Variants in PSTPIP1 observed in about 807,000 individuals in gnomAD.
The protein encoded by PSTPIP1 is proline-serine-threonine phosphatase-interacting protein 1.
In PSTPIP1, 66 loss-of-function variants were observed where a neutral mutation model predicts 69.6. That is an observed-to-expected ratio of 0.95 (90% CI 0.78 to 1.16). The LOEUF is 1.16. Among genes scored for constraint, PSTPIP1 ranks in the 50% most tolerant of loss-of-function variants. The pLI is 0.00. For synonymous variants in PSTPIP1, 266 were observed against 222.7 expected, an observed-to-expected ratio of 1.19 and a Z score of -1.73; for missense variants, 603 against 557.4, an observed-to-expected ratio of 1.08 and a Z score of -0.82.
chr15:77,000,460 G>GATAGATATATATATAT (rs2075678398), intron 1 of PSTPIP1, among the ~76,000 whole-genome samples: 2 of 141,694 alleles, frequency 1.4e-5, no homozygotes, highest in African/African-American at 5.3e-5. Context: ...TTTAAAGAGA[G>GATAGATATATATATAT]ATATATATAT....
In PSTPIP1 at chr15:77,018,378, T is replaced by C; in HGVS notation, c.138-79T>C. The C allele has an allele frequency of 1.9e-6, 3 of 1,541,738 alleles. No homozygotes were observed. The South Asian group carries it at 3.6e-5, about 18-fold the overall frequency. On this transcript the variant is annotated intron_variant, in intron 2 of 14. Transcript: ENST00000558012. ...GAACACGCCCTGCTTTAAAAAACTC[T>C]TCTGTGTTCCCTCAAACCTGGGCCT...
intron 1 of PSTPIP1, 100 bp from the exon 2 acceptor site, chr15:77,018,048 G>A: frequency 3.3e-6 from 4 of 1,216,388 alleles, no homozygotes; most frequent in Non-Finnish European, 4.7e-6. Flanking sequence ...ATGGAGGCAG[G>A]AGGGAGGCTG....
At chr15:77,009,779 C>T (rs1013325352) in intron 1 of PSTPIP1, among the ~76,000 whole-genome samples, 1 of 152,218 alleles carries the variant, frequency 6.6e-6, no homozygotes, top group Non-Finnish European at 1.5e-5. Flanking sequence ...CTGTGTGGAA[C>T]TGGCCAGAAC....
intron 3 of PSTPIP1, among the ~76,000 whole-genome samples, chr15:77,020,244 C>T (rs1198993627): frequency 1.3e-5 from 2 of 152,154 alleles, no homozygotes; most frequent in Non-Finnish European, 2.9e-5. Flanking sequence ...GCCCTGATTG[C>T]GCCATGGTTA....
chr15:77,026,742 C>G (rs1303347278), intron 5 of PSTPIP1, among the ~76,000 whole-genome samples: 3 of 152,230 alleles, frequency 2.0e-5, no homozygotes, highest in Non-Finnish European at 2.9e-5. Context: ...CAGGGGGTCC[C>G]CAGAAGCCAG....
intron 3 of PSTPIP1, among the ~76,000 whole-genome samples, chr15:77,023,272 C>T (rs1260828072): frequency 6.6e-6 from 1 of 152,248 alleles, no homozygotes; most frequent in Non-Finnish European, 1.5e-5. Flanking sequence ...CTGGGCCAGC[C>T]CAAAGTGACA....
intron 1 of PSTPIP1, among the ~76,000 whole-genome samples, chr15:77,013,281 A>T (rs1473738586): frequency 6.6e-6 from 1 of 152,104 alleles, no homozygotes; most frequent in African/African-American, 2.4e-5. Flanking sequence ...CTCTCATTCA[A>T]TTTAAAGCTC....
chr15:77,004,130 G>A (rs2075769084), intron 1 of PSTPIP1, among the ~76,000 whole-genome samples: 1 of 152,252 alleles, frequency 6.6e-6, no homozygotes, highest in Non-Finnish European at 1.5e-5. Context: ...AGGAAACTGA[G>A]CCTCTTGGAA....
chr15:77,031,526 T>A (rs1055822118), intron 10 of PSTPIP1: 1 of 394,444 alleles, frequency 2.5e-6, no homozygotes, highest in Non-Finnish European at 4.8e-6. Context: ...TTCCTCCTTA[T>A]GCCTCAGAGC....
Position 77,035,900 on chromosome 15 carries a change from C to A in PSTPIP1, c.1084C>A (p.Gln362Lys). The A allele has an allele frequency of 6.2e-7, 1 of 1,609,658 alleles. No homozygotes were observed. Among genetic ancestry groups the A allele is most frequent in the Non-Finnish European group, 8.5e-7 (1 of 1,179,260 alleles). ...EIQGNPASPA[Q>K]EYRALYDYTA... ...ACAGGGAAACCCGGCCTCACCAGCC[C>A]AGGAGTACCGGGCGCTCTACGATTA... Residue 362 changes from glutamine (Q) to lysine (K), a missense_variant, in exon 14 of 15, where the codon CAG becomes AAG. Gln to Lys is a moderately conservative substitution (Grantham distance 53). Coordinates refer to ENST00000558012, the MANE Select transcript of PSTPIP1 (RefSeq NM_003978.5).
chr15:77,019,700 G>C (rs16968623), intron 3 of PSTPIP1, among the ~76,000 whole-genome samples: 3 of 152,160 alleles, frequency 2.0e-5, no homozygotes, highest in Admixed American at 1.3e-4. Context: ...GCGAGCTGCC[G>C]TGCAAATCAA....
chr15:76,999,645 G>A (rs548296238), intron 1 of PSTPIP1: 4 of 152,284 alleles, frequency 2.6e-5, no homozygotes, highest in South Asian at 4.1e-4. Flanking sequence ...GGTGGTCCAC[G>A]CTGGACCCCT....
chr15:77,016,312 G>A (rs967102150), intron 1 of PSTPIP1, among the ~76,000 whole-genome samples: 3 of 152,136 alleles, frequency 2.0e-5, no homozygotes, highest in African/African-American at 7.2e-5. Flanking sequence ...GCAGGAGGCT[G>A]AGGCCCCAGA....
chr15:77,003,361 A>G (rs2075750099), intron 1 of PSTPIP1, among the ~76,000 whole-genome samples: 1 of 152,134 alleles, frequency 6.6e-6, no homozygotes, highest in Non-Finnish European at 1.5e-5. Context: ...TTCCTCCCTC[A>G]CAGACTCAGT....
chr15:77,016,550 T>G (rs1304554707), intron 1 of PSTPIP1, among the ~76,000 whole-genome samples: 2 of 152,154 alleles, frequency 1.3e-5, no homozygotes, highest in African/African-American at 4.8e-5. Flanking sequence ...CTAGACACGC[T>G]GCTTGTTGCT....
rs937738664 is a variant in PSTPIP1 at position 77,027,498 on chromosome 15, A to C, written c.355-354A>C. ...GGAACTCTGCATGTATGTGTGTGCC[A>C]GAGTGTACACACACGTGTGAGCGAC... On this transcript the variant is annotated intron_variant, in intron 5 of 14. Transcript: ENST00000558012. This position sits in a 1 kb window ranked among gnomAD's most constrained non-coding sequence, Gnocchi z 4.3. Among the ~76,000 whole-genome samples, 5 of 152,182 alleles carry C rather than the reference A, an allele frequency of 3.3e-5. No individual in the cohort carries two copies. Among genetic ancestry groups the C allele is most frequent in the Admixed American group, 3.3e-4 (5 of 15,284 alleles).
intron 3 of PSTPIP1, 45 bp from the exon 4 acceptor site, chr15:77,025,239 C>T: frequency 6.4e-7 from 1 of 1,571,600 alleles, no homozygotes; most frequent in African/African-American, 1.4e-5. Context: ...CTGTAGGTTC[C>T]CGCTGTGCTC....
chr15:77,003,094 G>T (rs568616238), intron 1 of PSTPIP1, among the ~76,000 whole-genome samples: 1 of 152,338 alleles, frequency 6.6e-6, no homozygotes, highest in East Asian at 1.9e-4. Flanking sequence ...CTAAGTGGTG[G>T]CAGAGATACT....
chr15:77,018,596 G>T, intron 3 of PSTPIP1, 65 bp downstream of exon 3: 1 of 1,462,534 alleles, frequency 6.8e-7, no homozygotes, highest in Non-Finnish European at 9.2e-7. Flanking sequence ...GCCTTTAGAT[G>T]AGGTTTAGGT....
Sources: gnomAD v4.1 joint callset for allele counts (sites outside exome capture counted in the v4.1 genomes callset) on GRCh38, gnomAD v4.1.1 for gene constraint, Gnocchi (gnomAD v3.1) non-coding constraint, MANE v1.5 for transcripts, NCBI Gene and HGNC (gene_info 2026-07-23, HGNC 2026-07-21) for gene names.